The following TRAP1 variants were observed in gnomAD, a reference collection of about 807,000 sequenced individuals.
The protein encoded by TRAP1 is heat shock protein 75 kDa, mitochondrial.
In TRAP1, 102 loss-of-function variants were observed where a neutral mutation model predicts 89.1. The ratio of observed to expected loss-of-function variants is 1.15; its 90% CI spans 0.98 to 1.35. TRAP1 has a LOEUF of 1.35. Ranked by LOEUF, TRAP1 falls within the 40% of genes most tolerant of loss-of-function variation. TRAP1 has a pLI of 0.00. For missense variants in TRAP1, 1,256 were observed against 945.3 expected (o/e 1.33, Z -4.31); for synonymous variants, 508 against 388.0 (o/e 1.31, Z -3.64).
At chr16:3,715,129 A>G (rs1019276965) in intron 1 of TRAP1, among the ~76,000 whole-genome samples, 3 of 152,208 alleles carry the variant, frequency 2.0e-5, no homozygotes, top group Non-Finnish European at 4.4e-5. Context: ...GAGAGGAGAG[A>G]GACAATTTTT....
chr16:3,678,944 G>T (rs980424988), intron 5 of TRAP1, among the ~76,000 whole-genome samples: 1 of 152,186 alleles, frequency 6.6e-6, no homozygotes, highest in Admixed American at 6.5e-5. Context: ...GGGTCAGAGG[G>T]ATCAGTCCCC....
chr16:3,666,730 G>C (rs942331355), intron 11 of TRAP1, among the ~76,000 whole-genome samples: 1 of 152,096 alleles, frequency 6.6e-6, no homozygotes, highest in Non-Finnish European at 1.5e-5. Flanking sequence ...ATTAGGAGCA[G>C]CACTGTATAT....
chr16:3,715,395 G>A (rs528892243), intron 1 of TRAP1, among the ~76,000 whole-genome samples: 5 of 151,808 alleles, frequency 3.3e-5, no homozygotes, highest in African/African-American at 9.7e-5. Context: ...CCAAGATCGC[G>A]CCACTGCACT....
chr16:3,680,971 C>T (rs1481939259), intron 4 of TRAP1, among the ~76,000 whole-genome samples: 1 of 152,142 alleles, frequency 6.6e-6, no homozygotes, highest in Non-Finnish European at 1.5e-5. Flanking sequence ...CTAAGGTATT[C>T]GGCTATAGCA....
chr16:3,710,685 C>T (rs1375917539), intron 1 of TRAP1, among the ~76,000 whole-genome samples: 3 of 152,132 alleles, frequency 2.0e-5, no homozygotes, highest in African/African-American at 4.8e-5. Context: ...TGGCAATGTG[C>T]TGTCTTAATT....
Position 3,662,572 on chromosome 16 carries a change from G to A in TRAP1, c.1794+310C>T. 6.7e-6 allele frequency: 4 copies of A among 596,326 alleles called. No homozygotes were observed. The Admixed American group carries it at 8.7e-5, about 13-fold the overall frequency. The allele number at this position is 596,326 out of a possible 1,614,324, so 36.9% of individuals were successfully genotyped here. On this transcript the variant is annotated intron_variant, in intron 15 of 17. Coordinates refer to ENST00000246957, the MANE Select transcript of TRAP1 (RefSeq NM_016292.3). ...GAGCATGTGAGCTCCTGAGGGCTGG[G>A]GTAGCATGTCCCTTGTTTGGAACCC... is the stretch of plus-strand genomic sequence containing the variant.
At chr16:3,674,296 A>G in intron 9 of TRAP1, 43 bp downstream of exon 9, 1 of 1,607,402 alleles carries the variant, frequency 6.2e-7, no homozygotes, top group South Asian at 1.1e-5. Context: ...ACAGGGGACA[A>G]CAGAGTCACC....
At chr16:3,706,456 CTTT>C (rs34658116) in intron 1 of TRAP1, among the ~76,000 whole-genome samples, 3 of 98,970 alleles carry the variant, frequency 3.0e-5, no homozygotes, top group African/African-American at 4.0e-5. Context: ...TATTTGCACT[CTTT>C]TTTTTTTTTT....
chr16:3,687,646 G>C (rs1247401762), intron 3 of TRAP1, among the ~76,000 whole-genome samples: 2 of 152,108 alleles, frequency 1.3e-5, no homozygotes, highest in East Asian at 3.9e-4. Context: ...CACTTTGGGA[G>C]GCTGAAACAG....
chr16:3,668,430 C>T (rs1190506332), intron 11 of TRAP1, among the ~76,000 whole-genome samples: 2 of 152,128 alleles, frequency 1.3e-5, no homozygotes, highest in East Asian at 3.8e-4. Context: ...ATTTACATAG[C>T]TTCAAAATAC....
chr16:3,706,780 G>C (rs192058693), intron 1 of TRAP1, among the ~76,000 whole-genome samples: 4 of 152,148 alleles, frequency 2.6e-5, no homozygotes, highest in Admixed American at 1.3e-4. Context: ...CCTTCTGATG[G>C]ACCTTCAGAT....
chr16:3,668,052 C>T (rs1438401229), intron 11 of TRAP1, among the ~76,000 whole-genome samples: 16 of 151,896 alleles, frequency 1.1e-4, no homozygotes, highest in African/African-American at 3.6e-4. Context: ...CTCAGCCTCC[C>T]GAGTGGCTGG....
chr16:3,717,382 C>G (rs947600782), intron 1 of TRAP1, 39 bp downstream of exon 1: 1 of 906,230 alleles, frequency 1.1e-6, no homozygotes, highest in African/African-American at 1.7e-5. Context: ...TCTCCGTGGC[C>G]CGGCCCGCCC....
chr16:3,671,698 C>T (rs770059153), intron 11 of TRAP1, 24 bp downstream of exon 11: 3 of 1,610,116 alleles, frequency 1.9e-6, no homozygotes, highest in Non-Finnish European at 2.5e-6. Context: ...CAGCAGGGTC[C>T]TCTCCCCGCG....
Position 3,674,398 on chromosome 16 carries a change from G to C in TRAP1, c.985C>G (p.Leu329Val). Residue 329 changes from leucine (L) to valine (V), a missense_variant, in exon 9 of 18, where the codon CTG becomes GTG. By Grantham distance (32) the Leu-to-Val change is conservative. Transcript: ENST00000246957. Reference protein sequence around the residue: ...AQAHDKPRYTLHYKTDAPLNI... With the variant: ...AQAHDKPRYTVHYKTDAPLNI... The stretch of plus-strand genomic sequence containing the variant: ...AGCGGTGCGTCCGTCTTATAGTGCA[G>C]GGTGTAGCGGGGCTTGTCGTGAGCC... 6.2e-7 allele frequency: 1 copy of C among 1,614,150 alleles called. No individual in the cohort carries two copies. The highest frequency in any genetic ancestry group is 1.3e-5 in the African/African-American group (1 of 75,074).
rs146133488 is a variant in TRAP1 at position 3,698,203 on chromosome 16, T to C, written c.89-7218A>G. ...GAAAAAGAAAAAAATAAGAAATCTA[T>C]ATTTCCAGCCAGAATTGCAAGACTT... On this transcript the variant is annotated intron_variant, in intron 1 of 17. Transcript: ENST00000246957. 4.5e-3 allele frequency among the ~76,000 whole-genome samples: 681 copies of C among 152,222 alleles called. 5 individuals carry two copies. Among genetic ancestry groups the C allele is most frequent in the African/African-American group, 0.016 (653 of 41,546 alleles).
chr16:3,702,810 T>A (rs7199019), intron 1 of TRAP1, among the ~76,000 whole-genome samples: 44,735 of 151,238 alleles, frequency 0.3, 7,456 homozygotes, highest in African/African-American at 0.42. Context: ...TGGGAGGCTG[T>A]GGTAGGCGGA....
At position 3,674,350 on chromosome 16, in the gene TRAP1, C is replaced by T. The variant is rs552933461; in HGVS notation, c.1033G>A (p.Val345Met). ...APLNIRSIFY[V>M]PDMKPSMFDV... is the part of the protein sequence containing the mutation. ...CCACAGTGCCTCACCATGTCGGGCACGTAGAAGATGCTGCGGATGTTGAGC... is the reference window on the plus strand; with the variant it reads ...CCACAGTGCCTCACCATGTCGGGCATGTAGAAGATGCTGCGGATGTTGAGC... The change falls in exon 9 of 18, where the codon GTG becomes ATG. Residue 345 changes from valine to methionine, a missense_variant. Coordinates refer to ENST00000246957, the MANE Select transcript of TRAP1 (RefSeq NM_016292.3). 33 of 1,613,952 alleles carry T rather than the reference C, an allele frequency of 2.0e-5. No homozygotes were observed. The highest frequency in any genetic ancestry group is 7.7e-5 in the South Asian group (7 of 91,090).
chr16:3,665,842 T>TGGCAGC, intron 12 of TRAP1, 129 bp downstream of exon 12: 2 of 1,202,196 alleles, frequency 1.7e-6, no homozygotes, highest in South Asian at 3.2e-5. Flanking sequence ...CTGACCCTGG[T>TGGCAGC]GGCAGCAGCA....
Sources: allele counts gnomAD v4.1 joint callset (sites outside exome capture counted in the v4.1 genomes callset), GRCh38; gene constraint gnomAD v4.1.1; transcripts MANE v1.5; gene names NCBI Gene and HGNC (gene_info 2026-07-23, HGNC 2026-07-21).